Variants in LPP observed in about 807,000 individuals in gnomAD.
The protein encoded by LPP is lipoma-preferred partner.
LPP carries 38 observed loss-of-function variants against 60.4 expected under a neutral mutation model. That is an observed-to-expected ratio of 0.63 (90% confidence interval 0.49 to 0.83). The LOEUF is 0.83. Ranked by LOEUF, LPP falls within the 40% of genes least tolerant of loss-of-function variation. The pLI is 0.00. For missense variants in LPP, 902 were observed against 783.6 expected (o/e 1.15, Z -1.80); for synonymous variants, 328 against 290.8 (o/e 1.13, Z -1.30).
chr3:188,642,726 C>T (rs191895195), intron 7 of LPP, among the ~76,000 whole-genome samples: 33 of 152,176 alleles, frequency 2.2e-4, no homozygotes, highest in Middle Eastern at 3.4e-3. Flanking sequence ...CACCTGAGGT[C>T]GGGAGTTTGA....
chr3:188,482,043 A>T (rs1366161073), intron 4 of LPP, among the ~76,000 whole-genome samples: 3 of 152,178 alleles, frequency 2.0e-5, no homozygotes. Context: ...TGTTCTCATG[A>T]TAGTGAGTGT....
At chr3:188,300,454 ATTT>A (rs34492581) in intron 2 of LPP, among the ~76,000 whole-genome samples, 16,237 of 125,040 alleles carry the variant, frequency 0.13, 981 homozygotes, top group African/African-American at 0.2. Flanking sequence ...ACACTTGGCC[ATTT>A]TTTTTTTTTT....
At chr3:188,772,025 G>A (rs1468243482) in intron 9 of LPP, among the ~76,000 whole-genome samples, 1 of 152,166 alleles carries the variant, frequency 6.6e-6, no homozygotes, top group Non-Finnish European at 1.5e-5. Context: ...TGCATCTTTT[G>A]CAAGGCTCCT....
At chr3:188,771,977 C>A (rs1560184007) in intron 9 of LPP, among the ~76,000 whole-genome samples, 1 of 136,828 alleles carries the variant, frequency 7.3e-6, no homozygotes, top group Non-Finnish European at 1.7e-5. Context: ...AAGTTCTGGA[C>A]TCCTCCCCAG....
intron 7 of LPP, among the ~76,000 whole-genome samples, chr3:188,645,855 C>A (rs1468673753): frequency 2.7e-5 from 4 of 149,928 alleles, no homozygotes; most frequent in African/African-American, 7.3e-5. Flanking sequence ...TTATATCAGA[C>A]AAATGGATCT....
intron 7 of LPP, among the ~76,000 whole-genome samples, chr3:188,699,254 G>A (rs1199886384): frequency 6.6e-6 from 1 of 152,140 alleles, no homozygotes; most frequent in Non-Finnish European, 1.5e-5. Flanking sequence ...ACGTGGAGAC[G>A]GAGAGAGGTG....
At chr3:188,407,297 T>C (rs1783737174) in intron 4 of LPP, among the ~76,000 whole-genome samples, 1 of 152,226 alleles carries the variant, frequency 6.6e-6, no homozygotes, top group Non-Finnish European at 1.5e-5. Context: ...TGTGATATAG[T>C]CCAGTCCTCC....
At chr3:188,745,911 C>G (rs1407598807) in intron 8 of LPP, among the ~76,000 whole-genome samples, 9 of 152,148 alleles carry the variant, frequency 5.9e-5, no homozygotes, top group African/African-American at 2.2e-4. Flanking sequence ...GTTAAATGCC[C>G]TTTCCGAGGT....
chr3:188,162,807 A>G (rs1718705013), intron 1 of LPP, among the ~76,000 whole-genome samples: 1 of 152,082 alleles, frequency 6.6e-6, no homozygotes, highest in Non-Finnish European at 1.5e-5. Flanking sequence ...CATCTGGCAC[A>G]CAGTGATGAC....
At chr3:188,262,860 C>G (rs572976831) in intron 2 of LPP, among the ~76,000 whole-genome samples, 1 of 151,930 alleles carries the variant, frequency 6.6e-6, no homozygotes, top group African/African-American at 2.4e-5. Flanking sequence ...AATCTGTGCT[C>G]GAACCCAGGT....
At chr3:188,709,238 G>T (rs1490928059) in intron 8 of LPP, 4 of 152,152 alleles carry the variant, frequency 2.6e-5, no homozygotes, top group Admixed American at 2.6e-4. Context: ...CCTCAGTGAG[G>T]TTAAAATTGT....
chr3:188,836,421 G>A (rs146741292), intron 9 of LPP, among the ~76,000 whole-genome samples: 2 of 152,176 alleles, frequency 1.3e-5, no homozygotes, highest in Non-Finnish European at 2.9e-5. Context: ...ATTCCATGAC[G>A]TTTCAGCTTT....
chr3:188,606,329 A>G (rs2151299525), intron 6 of LPP, among the ~76,000 whole-genome samples: 1 of 151,774 alleles, frequency 6.6e-6, no homozygotes, highest in South Asian at 2.1e-4. Flanking sequence ...TTGAATCCTG[A>G]CTCTTATGGC....
intron 7 of LPP, among the ~76,000 whole-genome samples, chr3:188,694,563 A>T (rs1862801349): frequency 6.6e-6 from 1 of 152,046 alleles, no homozygotes; most frequent in South Asian, 2.1e-4. Flanking sequence ...TTATCCGGGC[A>T]TGGTGGCACA....
At chr3:188,655,341 A>C (rs112174420) in intron 7 of LPP, among the ~76,000 whole-genome samples, 1 of 152,202 alleles carries the variant, frequency 6.6e-6, no homozygotes, top group Non-Finnish European at 1.5e-5. Context: ...ATCAGGGTCA[A>C]GATGAGGGAA....
chr3:188,310,960 G>A (rs1753203688), intron 2 of LPP, among the ~76,000 whole-genome samples: 1 of 152,162 alleles, frequency 6.6e-6, no homozygotes, highest in Admixed American at 6.5e-5. Flanking sequence ...GAGACCTGTT[G>A]AAGTGTAAGT....
At chr3:188,846,885 G>A (rs1409136642) in intron 9 of LPP, among the ~76,000 whole-genome samples, 1 of 152,092 alleles carries the variant, frequency 6.6e-6, no homozygotes, top group African/African-American at 2.4e-5. Flanking sequence ...GTAAGAAAGA[G>A]TTTATGAACT....
chr3:188,599,273 A>G (rs776141206), intron 6 of LPP, among the ~76,000 whole-genome samples: 12 of 152,046 alleles, frequency 7.9e-5, no homozygotes, highest in Non-Finnish European at 1.5e-4. Flanking sequence ...GGGAGAGGAC[A>G]CTCCTTAAAA....
chr3:188,191,472 G>A (rs1337156398), intron 1 of LPP, among the ~76,000 whole-genome samples: 1 of 152,170 alleles, frequency 6.6e-6, no homozygotes, highest in Non-Finnish European at 1.5e-5. Flanking sequence ...AAGGTGTGGA[G>A]CCAAGAGCTG....
Sources: allele counts gnomAD v4.1 joint callset (sites outside exome capture counted in the v4.1 genomes callset), GRCh38; gene constraint gnomAD v4.1.1; transcripts MANE v1.5; gene names NCBI Gene and HGNC (gene_info 2026-07-23, HGNC 2026-07-21).